NBEAL1: variants seen among roughly 807,000 people sequenced by gnomAD.
The protein encoded by NBEAL1 is neurobeachin-like protein 1.
A neutral mutation model predicts 351.3 loss-of-function variants in NBEAL1; 273 were observed. The ratio of observed to expected loss-of-function variants is 0.78; its 90% CI spans 0.70 to 0.86. The LOEUF (loss-of-function observed/expected upper bound fraction) is 0.86. NBEAL1 is among the 40% of genes least tolerant of loss of function. NBEAL1 has a pLI of 0.00. For synonymous variants in NBEAL1, 1,050 were observed against 1,086.4 expected (o/e 0.97, Z 0.66); for missense variants, 2,961 against 3,201.3 (o/e 0.92, Z 1.81).
Position 203,199,445 on chromosome 2 carries a change from A to G in NBEAL1, c.7236A>G (p.Pro2412=), listed in dbSNP as rs1341801449. ...TFIKDQTVTN[P]KTQRSINGSF... ...TCAAGGATCAAACTGTGACAAATCC[A>G]AAGTAAGTAAATGAATATGTAAAGC... The change falls in exon 49 of 56, where the codon CCA becomes CCG. Residue 2412 remains proline (P), a splice_region_variant and synonymous_variant. Transcript: ENST00000683969. 2 of 1,533,056 alleles carry G rather than the reference A, an allele frequency of 1.3e-6. No homozygotes were observed. Among genetic ancestry groups the G allele is most frequent in the Non-Finnish European group, 1.8e-6 (2 of 1,108,614 alleles). 95.0% of individuals were successfully genotyped at this position (1,533,056 alleles called of 1,614,324 possible).
chr2:203,195,772 G>C (rs2065224168), intron 47 of NBEAL1, among the ~76,000 whole-genome samples: 1 of 152,142 alleles, frequency 6.6e-6, no homozygotes, highest in Non-Finnish European at 1.5e-5. Flanking sequence ...TTTGTCGTCA[G>C]AGAAGCTCAT....
chr2:203,172,064 C>T (rs779904842), intron 40 of NBEAL1, 41 bp downstream of exon 40: 2 of 1,202,078 alleles, frequency 1.7e-6, no homozygotes, highest in Non-Finnish European at 2.4e-6. Context: ...AATTGCCCTA[C>T]AGTTTTATAA....
intron 54 of NBEAL1, among the ~76,000 whole-genome samples, chr2:203,213,196 G>A (rs756886593): frequency 2.6e-4 from 39 of 151,890 alleles, no homozygotes; most frequent in Non-Finnish European, 2.9e-4. Flanking sequence ...TTGGAAAATT[G>A]AAAAAAGAGT....
chr2:203,021,876 C>T lies in NBEAL1; in HGVS notation c.51+5441C>T, dbSNP rs147067645. 4.3e-4 allele frequency among the ~76,000 whole-genome samples: 65 copies of T among 151,734 alleles called. No homozygotes were observed. In the East Asian group the frequency reaches 0.012, roughly 27 times the overall value. On this transcript the variant is annotated intron_variant, in intron 2 of 55. Transcript: ENST00000683969. Reference sequence around the variant, plus strand: ...CAGCGTGGCCAAAATGGTGAAACCCCGTCTTTACTAAAAATACAAAAAAAA... The same window carrying T: ...CAGCGTGGCCAAAATGGTGAAACCCTGTCTTTACTAAAAATACAAAAAAAA...
intron 38 of NBEAL1, among the ~76,000 whole-genome samples, chr2:203,167,969 T>G (rs2064188535): frequency 2.0e-5 from 3 of 152,220 alleles, no homozygotes; most frequent in Admixed American, 2.0e-4. Flanking sequence ...ATTTTAATTG[T>G]GTCTTGGCAT....
chr2:203,171,724 A>G (rs531310690), intron 39 of NBEAL1, among the ~76,000 whole-genome samples: 7 of 151,266 alleles, frequency 4.6e-5, no homozygotes, highest in Non-Finnish European at 1.0e-4. Flanking sequence ...AGACTGTGGT[A>G]TAAGATTTAT....
chr2:203,049,514 T>C (rs1282824047), intron 3 of NBEAL1, among the ~76,000 whole-genome samples: 1 of 152,230 alleles, frequency 6.6e-6, no homozygotes, highest in Non-Finnish European at 1.5e-5. Flanking sequence ...TCATTAAAAA[T>C]AGTACAATTG....
intron 31 of NBEAL1, among the ~76,000 whole-genome samples, chr2:203,140,757 C>G (rs780332075): frequency 1.2e-4 from 19 of 152,058 alleles, no homozygotes; most frequent in Admixed American, 1.2e-3. Context: ...ATGAAACTGG[C>G]CAGGCGCAGT....
chr2:203,020,394 C>T (rs2060748985), intron 2 of NBEAL1, among the ~76,000 whole-genome samples: 3 of 152,128 alleles, frequency 2.0e-5, no homozygotes, highest in Admixed American at 2.0e-4. Context: ...ATAGTCTGAA[C>T]CTAGGCGCAG....
chr2:203,132,869 A>G (rs1290221037), intron 26 of NBEAL1, among the ~76,000 whole-genome samples, 189 bp from the exon 27 acceptor site: 4 of 152,296 alleles, frequency 2.6e-5, no homozygotes, highest in East Asian at 3.9e-4. Context: ...AAAAGGAACA[A>G]TTATTTAGGG....
intron 14 of NBEAL1, among the ~76,000 whole-genome samples, chr2:203,109,668 C>T (rs1391857631): frequency 2.0e-5 from 3 of 152,000 alleles, no homozygotes; most frequent in African/African-American, 2.4e-5. Flanking sequence ...TACAGGCGCC[C>T]GCCACCACGC....
intron 18 of NBEAL1, among the ~76,000 whole-genome samples, chr2:203,116,809 G>C (rs899775638): frequency 2.5e-4 from 32 of 125,638 alleles, no homozygotes; most frequent in African/African-American, 5.3e-4. Context: ...AAAAAAAAAG[G>C]GGGGGGCCCA....
intron 10 of NBEAL1, among the ~76,000 whole-genome samples, chr2:203,093,626 G>A (rs886210808): frequency 6.6e-6 from 1 of 152,174 alleles, no homozygotes; most frequent in African/African-American, 2.4e-5. Context: ...GGCCAAGGCG[G>A]GTTGATCACT....
In NBEAL1 at chr2:203,169,728, A is replaced by T; in HGVS notation, c.5998-19A>T. 1 of 1,411,716 alleles carries T rather than the reference A, an allele frequency of 7.1e-7. No individual in the cohort carries two copies. The highest frequency in any genetic ancestry group is 9.8e-7 in the Non-Finnish European group (1 of 1,015,724). 87.4% of individuals were successfully genotyped at this position (1,411,716 alleles called of 1,614,324 possible). ...TTGTCTTGATTCATTTTTAAAGTAT[A>T]AAATGCTGTTTTTTATAGGTTAGAA... On this transcript the variant is annotated intron_variant, in intron 38 of 55. Coordinates refer to ENST00000683969, the MANE Select transcript of NBEAL1 (RefSeq NM_001378026.1).
intron 39 of NBEAL1, among the ~76,000 whole-genome samples, chr2:203,171,056 A>G (rs1278362991): frequency 6.6e-6 from 1 of 152,174 alleles, no homozygotes; most frequent in African/African-American, 2.4e-5. Context: ...CAAGAGTTCG[A>G]GACCAGCCTG....
chr2:203,218,068 G>A lies in NBEAL1; in HGVS notation c.*714G>A, dbSNP rs1353645460. ...TGCTAATTGTGATTTTGACAGTTGG[G>A]CCTTTTAAGTAGCATTTGCAGCACA... On this transcript the variant is annotated 3_prime_UTR_variant, in exon 56 of 56. Transcript: ENST00000683969. The A allele has an allele frequency of 1.0e-5, 5 of 486,284 alleles. No homozygotes were observed. The highest frequency in any genetic ancestry group is 1.3e-5 in the Non-Finnish European group (5 of 374,214). The allele number at this position is 486,284 out of a possible 1,614,324, so 30.1% of individuals were successfully genotyped here. A position where few individuals can be genotyped will look rare whatever the true frequency, so the allele number is the denominator to read the frequency against.
At chr2:203,015,553 C>T (rs1430561351) in intron 1 of NBEAL1, among the ~76,000 whole-genome samples, 2 of 152,094 alleles carry the variant, frequency 1.3e-5, no homozygotes, top group Non-Finnish European at 2.9e-5. Flanking sequence ...CTCTGCCTCC[C>T]GGGTTCAAGC....
chr2:203,015,474 C>A (rs939998625), intron 1 of NBEAL1, among the ~76,000 whole-genome samples: 1 of 151,580 alleles, frequency 6.6e-6, no homozygotes, highest in Non-Finnish European at 1.5e-5. Flanking sequence ...ACCCCCACCC[C>A]ACCCCAGACG....
intron 4 of NBEAL1, chr2:203,052,209 A>G (rs1030989568): frequency 1.3e-5 from 2 of 151,456 alleles, no homozygotes; most frequent in Non-Finnish European, 2.9e-5. Context: ...ACACCCACAC[A>G]CACACACCCC....
Sources: allele counts gnomAD v4.1 joint callset (sites outside exome capture counted in the v4.1 genomes callset), GRCh38; gene constraint gnomAD v4.1.1; transcripts MANE v1.5; gene names NCBI Gene and HGNC (gene_info 2026-07-23, HGNC 2026-07-21).